The following CDKL5 variants were observed in gnomAD, a reference collection of about 807,000 sequenced individuals.
CDKL5 encodes cyclin dependent kinase like 5, also known as cyclin-dependent kinase-like 5.
A neutral mutation model predicts 61.7 loss-of-function variants in CDKL5; 8 were observed. That is an observed-to-expected ratio of 0.13 (90% CI 0.08 to 0.23). The LOEUF is 0.23. Ranked by LOEUF, CDKL5 falls within the 10% of genes least tolerant of loss-of-function variation. CDKL5 has a pLI of 1.00. For missense variants in CDKL5, 440 were observed against 734.5 expected, an observed-to-expected ratio of 0.60 and a Z score of 4.63; for synonymous variants, 275 against 272.3, an observed-to-expected ratio of 1.01 and a Z score of -0.10.
intron 1 of CDKL5, among the ~76,000 whole-genome samples, chrX:18,457,002 A>T (rs1347495274): frequency 1.8e-5 from 2 of 110,184 alleles, no homozygotes; most frequent in Non-Finnish European, 3.8e-5. Context: ...ATAGTTACAT[A>T]CAGACTCCAT....
At chrX:18,478,650 G>A (rs1161216306) in intron 1 of CDKL5, among the ~76,000 whole-genome samples, 2 of 105,676 alleles carry the variant, frequency 1.9e-5, no homozygotes, top group East Asian at 5.9e-4. Context: ...TTCTTCTTAT[G>A]TGATAAGTTG....
chrX:18,512,893 C>A (rs927381156), intron 3 of CDKL5, among the ~76,000 whole-genome samples: 1 of 110,991 alleles, frequency 9.0e-6, no homozygotes, highest in Non-Finnish European at 1.9e-5. Flanking sequence ...TTGACTTTTT[C>A]CCGAACATAA....
intron 17 of CDKL5, chrX:18,626,710 CT>C (rs767459402): frequency 1.9e-5 from 1 of 51,659 alleles, no homozygotes; most frequent in African/African-American, 7.7e-5. Context: ...CTCTCTCTCT[CT>C]CTCTCTCTCT....
At position 18,638,353 on chromosome X, in the gene CDKL5, C is replaced by T. The variant is rs775947957; in HGVS notation, c.*9596C>T. 12 of 112,147 alleles carry T rather than the reference C, an allele frequency of 1.1e-4. No homozygotes were observed. The East Asian group carries it at 3.3e-3, about 31-fold the overall frequency. 9.2% of individuals were successfully genotyped at this position (112,147 alleles called of 1,213,427 possible). Reference sequence around the variant, plus strand: ...TTTACCGCAATTTTTAAACAAACTCCAGTGTAGACCGTGCTCTAGCATTTC... The same window carrying T: ...TTTACCGCAATTTTTAAACAAACTCTAGTGTAGACCGTGCTCTAGCATTTC... On this transcript the variant is annotated 3_prime_UTR_variant, in exon 18 of 18. Coordinates refer to ENST00000623535, the MANE Select transcript of CDKL5 (RefSeq NM_001323289.2).
At chrX:18,491,796 G>C (rs1482668819) in intron 1 of CDKL5, among the ~76,000 whole-genome samples, 1 of 111,341 alleles carries the variant, frequency 9.0e-6, no homozygotes, top group African/African-American at 3.3e-5. Flanking sequence ...TGATGACATA[G>C]CTAAAATTTA....
At chrX:18,579,290 T>C (rs1312520997) in intron 5 of CDKL5, among the ~76,000 whole-genome samples, 1 of 111,986 alleles carries the variant, frequency 8.9e-6, no homozygotes, top group Non-Finnish European at 1.9e-5. Context: ...AAATTAAGGT[T>C]TTTGAATATT....
At chrX:18,610,568 A>G (rs1045805257) in intron 14 of CDKL5, among the ~76,000 whole-genome samples, 1 of 112,858 alleles carries the variant, frequency 8.9e-6, no homozygotes, top group African/African-American at 3.2e-5. Flanking sequence ...GCACAGTTTC[A>G]TAAATATTTG....
rs762576315 is a variant in CDKL5, at chrX:18,653,534, C to T, written c.3083C>T (p.Thr1028Met). The T allele has an allele frequency of 3.0e-5, 36 of 1,210,346 alleles. No individual in the cohort carries two copies. The highest frequency in any genetic ancestry group is 4.6e-4 in the Middle Eastern group (2 of 4,340). ...ACATACCATGAGAATGCGGCACTGA[C>T]GGGCAAGTGACTTCTGCAAGCCTGC... The change falls in exon 22 of 22, where the codon ACG becomes ATG. Residue 1028 changes from threonine to methionine, a missense_variant. Physicochemically the swap from Thr to Met is moderately conservative, Grantham distance 81. Coordinates refer to the CDKL5 transcript ENST00000379989.
chrX:18,528,237 ATTTTTTT>A (rs749197887), intron 3 of CDKL5, among the ~76,000 whole-genome samples: 3 of 68,442 alleles, frequency 4.4e-5, no homozygotes, highest in African/African-American at 1.1e-4. Context: ...ACCCATACTC[ATTTTTTT>A]TTTTTTTTTT....
At chrX:18,441,582 T>C (rs1569183324) in intron 1 of CDKL5, among the ~76,000 whole-genome samples, 1 of 111,587 alleles carries the variant, frequency 9.0e-6, no homozygotes, top group Non-Finnish European at 1.9e-5. Context: ...ATGATGTTAG[T>C]CATGCTAGGC....
intron 8 of CDKL5, among the ~76,000 whole-genome samples, chrX:18,587,417 A>G (rs183327397): frequency 8.9e-6 from 1 of 111,857 alleles, no homozygotes; most frequent in Admixed American, 9.6e-5. Context: ...ATAATATAGT[A>G]GATCTTAGCA....
At chrX:18,544,739 A>G (rs1924132852) in intron 3 of CDKL5, among the ~76,000 whole-genome samples, 1 of 112,738 alleles carries the variant, frequency 8.9e-6, no homozygotes, top group Non-Finnish European at 1.9e-5. Flanking sequence ...GTGTCACACA[A>G]TTAAATGTTA....
At chrX:18,653,359 G>C (rs1928128398) in intron 21 of CDKL5, 1 of 1,181,219 alleles carries the variant, frequency 8.5e-7, no homozygotes, top group Non-Finnish European at 1.1e-6. Context: ...GGGGGCCCGG[G>C]CATTAGCCAG....
At chrX:18,519,222 C>T (rs1266132677) in intron 3 of CDKL5, among the ~76,000 whole-genome samples, 1 of 112,012 alleles carries the variant, frequency 8.9e-6, no homozygotes, top group African/African-American at 3.2e-5. Context: ...TGGAATGCAG[C>T]CACAGTCATT....
At chrX:18,515,461 T>C (rs1922981910) in intron 3 of CDKL5, among the ~76,000 whole-genome samples, 1 of 111,770 alleles carries the variant, frequency 8.9e-6, no homozygotes. Flanking sequence ...CTATAAGTGT[T>C]CAATAAATAA....
chrX:18,546,258 C>CTTTTT (rs935420091), intron 3 of CDKL5, among the ~76,000 whole-genome samples: 3 of 90,488 alleles, frequency 3.3e-5, no homozygotes, highest in Admixed American at 1.2e-4. Flanking sequence ...TCTACTTCTT[C>CTTTTT]TTTTTTTTTT....
At chrX:18,579,812 C>T in intron 5 of CDKL5, 36 bp from the exon 6 acceptor site, 1 of 1,185,083 alleles carries the variant, frequency 8.4e-7, no homozygotes, top group Non-Finnish European at 1.1e-6. Flanking sequence ...ACGGGCCTAC[C>T]TAATTTGGGA....
In CDKL5 at chrX:18,513,242, T is replaced by G. The variant is rs570883280; in HGVS notation, c.99+2388T>G. Among the ~76,000 whole-genome samples the G allele has an allele frequency of 3.5e-3, 390 of 111,513 alleles. 2 individuals are homozygous for G. In the Middle Eastern group the frequency reaches 0.046, roughly 13 times the overall value. On this transcript the variant is annotated intron_variant, in intron 3 of 17. Transcript: ENST00000623535. The stretch of plus-strand genomic sequence containing the variant: ...TTGTTTTTATCTTTCTATTTACTCA[T>G]TTGTTAAAATGGTTGTTTCATATAC...
rs1569198549 is a variant in CDKL5 at position 18,509,247 on chromosome X, C to CACACACACA, written c.65-1573_65-1572insACACACACA. Among the ~76,000 whole-genome samples, 2 of 70,182 alleles carry CACACACACA rather than the reference C, an allele frequency of 2.8e-5. 1 individual carries two copies. Among genetic ancestry groups the CACACACACA allele is most frequent in the East Asian group, 9.9e-4 (2 of 2,021 alleles). 60.9% of individuals were successfully genotyped at this position (70,182 alleles called of 115,157 possible). ...CACACACACACACACACACACACACCCCTGTCAAGCAAACTCTGCATTCTT... is the reference window on the plus strand; with the variant it reads ...CACACACACACACACACACACACACCACACACACACCTGTCAAGCAAACTCTGCATTCTT... On this transcript the variant is annotated intron_variant, in intron 2 of 17. Coordinates refer to ENST00000623535, the MANE Select transcript of CDKL5 (RefSeq NM_001323289.2).
Sources: allele counts gnomAD v4.1 joint callset (sites outside exome capture counted in the v4.1 genomes callset), GRCh38; gene constraint gnomAD v4.1.1; transcripts MANE v1.5; gene names NCBI Gene and HGNC (gene_info 2026-07-23, HGNC 2026-07-21).